The following MYO1H variants were observed in gnomAD, a reference collection of about 807,000 sequenced individuals.
The protein encoded by MYO1H is myosin IH.
Under a neutral mutation model 149.3 loss-of-function variants are expected in MYO1H, and 118 were observed. The observed-to-expected ratio is 0.79, with a 90% confidence interval of 0.68 to 0.92. The LOEUF (loss-of-function observed/expected upper bound fraction) is 0.92. Ranked by LOEUF, MYO1H falls within the 40% of genes least tolerant of loss-of-function variation. MYO1H has a pLI of 0.00. For missense variants in MYO1H, 1,212 were observed against 1,280.7 expected (o/e 0.95, Z 0.82); for synonymous variants, 447 against 465.2 (o/e 0.96, Z 0.50).
At chr12:109,377,007 T>C (rs1217449751) in intron 1 of MYO1H, among the ~76,000 whole-genome samples, 1 of 152,252 alleles carries the variant, frequency 6.6e-6, no homozygotes, top group East Asian at 1.9e-4. Context: ...ATTCACATAA[T>C]GTAAAATTAG....
chr12:109,447,930 A>ATGCCACAGCGCAAAAGCGTGTAGCGAGCC (rs1872555090), exon 32 of MYO1H: 2 of 152,284 alleles, frequency 1.3e-5, no homozygotes, highest in Admixed American at 1.3e-4. Context: ...TGGACAATAA[A>ATGCCACAGCGCAAAAGCGTGTAGCGAGCC]TGCCACAGCG....
At chr12:109,443,441 T>C (rs1872329778) in intron 27 of MYO1H, 73 bp from the exon 28 acceptor site, 1 of 1,554,272 alleles carries the variant, frequency 6.4e-7, no homozygotes. Flanking sequence ...GACATCACTT[T>C]ACCGGTGTCT....
intron 6 of MYO1H, chr12:109,401,530 C>T: frequency 5.4e-6 from 2 of 368,578 alleles, no homozygotes; most frequent in Non-Finnish European, 9.8e-6. Context: ...ACCTGAAGAG[C>T]CCTTTAAAAA....
chr12:109,414,059 G>A (rs1162145266), intron 14 of MYO1H, among the ~76,000 whole-genome samples: 1 of 152,196 alleles, frequency 6.6e-6, no homozygotes, highest in Non-Finnish European at 1.5e-5. Context: ...TGAATGCTCT[G>A]CTTCTTAATC....
intron 1 of MYO1H, among the ~76,000 whole-genome samples, chr12:109,372,801 C>T (rs1252214104): frequency 6.6e-6 from 1 of 151,904 alleles, no homozygotes; most frequent in South Asian, 2.1e-4. Context: ...TGCAATAAAT[C>T]TTGGCAGTAT....
At chr12:109,326,298 C>T in the MYO1H span, among the ~76,000 whole-genome samples, 1 of 152,088 alleles carries the variant, frequency 6.6e-6, no homozygotes, top group Admixed American at 6.5e-5. Flanking sequence ...TACTTCCATG[C>T]TGTCTGTCAT....
chr12:109,409,246 C>CTTTTTTTTTTTTTT (rs66507410), intron 10 of MYO1H, among the ~76,000 whole-genome samples: 72 of 47,842 alleles, frequency 1.5e-3, no homozygotes, highest in Non-Finnish European at 2.0e-3. Context: ...TCTTCTTCTT[C>CTTTTTTTTTTTTTT]TTTTTTTTTT....
intron 6 of MYO1H, among the ~76,000 whole-genome samples, chr12:109,403,471 A>C (rs1870249569): frequency 6.6e-6 from 1 of 152,190 alleles, no homozygotes; most frequent in South Asian, 2.1e-4. Context: ...TCTGGAGTTC[A>C]TGGGGAAAAT....
chr12:109,327,112 TTTTCTTTTTC>T, the MYO1H span, among the ~76,000 whole-genome samples: 49 of 127,136 alleles, frequency 3.9e-4, no homozygotes, highest in African/African-American at 1.3e-3. Context: ...TTAATTTTTC[TTTTCTTTTTC>T]TTTTTCTTTT....
the MYO1H span, among the ~76,000 whole-genome samples, chr12:109,328,490 C>G: frequency 6.6e-6 from 1 of 152,160 alleles, no homozygotes; most frequent in Non-Finnish European, 1.5e-5. Flanking sequence ...GCTGTTACAC[C>G]TGGCTTTAGT....
intron 5 of MYO1H, among the ~76,000 whole-genome samples, chr12:109,400,578 G>A (rs559127159): frequency 6.6e-6 from 1 of 152,152 alleles, no homozygotes; most frequent in South Asian, 2.1e-4. Context: ...TCCTTTATTG[G>A]ATATATTATT....
chr12:109,337,472 A>G, the MYO1H span, among the ~76,000 whole-genome samples: 1 of 152,208 alleles, frequency 6.6e-6, no homozygotes, highest in African/African-American at 2.4e-5. Context: ...ACAGTTCCAC[A>G]TGGCTGGGGA....
chr12:109,378,554 G>T (rs935665846), intron 1 of MYO1H, among the ~76,000 whole-genome samples: 11 of 152,004 alleles, frequency 7.2e-5, no homozygotes, highest in African/African-American at 2.4e-4. Context: ...AAACTCCTGA[G>T]CTCAAGCCCC....
chr12:109,355,730 T>A (rs1868578232), intron 1 of MYO1H, among the ~76,000 whole-genome samples: 1 of 148,570 alleles, frequency 6.7e-6, no homozygotes, highest in Non-Finnish European at 1.5e-5. Context: ...TTGGTTTTTC[T>A]TTTTCTTTTT....
At chr12:109,375,022 T>C (rs972828917) in intron 1 of MYO1H, among the ~76,000 whole-genome samples, 1 of 151,936 alleles carries the variant, frequency 6.6e-6, no homozygotes, top group South Asian at 2.1e-4. Context: ...GCCCAGTGAA[T>C]TTTTGTATTT....
chr12:109,389,255 A>G (rs552375727), intron 2 of MYO1H, among the ~76,000 whole-genome samples: 27 of 152,310 alleles, frequency 1.8e-4, no homozygotes, highest in African/African-American at 6.0e-4. Flanking sequence ...GAAGCGAGCC[A>G]ATACTCTGGG....
At chr12:109,445,105 C>T (rs1872422532) in intron 30 of MYO1H, among the ~76,000 whole-genome samples, 1 of 152,166 alleles carries the variant, frequency 6.6e-6, no homozygotes, top group Non-Finnish European at 1.5e-5. Context: ...TTTCTTTTCC[C>T]TCATCCTGTG....
At chr12:109,412,519 G>C (rs1468955445) in intron 14 of MYO1H, among the ~76,000 whole-genome samples, 3 of 152,022 alleles carry the variant, frequency 2.0e-5, no homozygotes, top group Non-Finnish European at 4.4e-5. Context: ...TTATATTTTG[G>C]ACATGTCTAT....
At chr12:109,409,456 A>G (rs1443395902) in intron 10 of MYO1H, 101 bp from the exon 11 acceptor site, 1 of 981,192 alleles carries the variant, frequency 1.0e-6, no homozygotes. Context: ...CAGAGGACAT[A>G]TGAGCTTTAG....
Sources: gnomAD v4.1 joint callset for allele counts (sites outside exome capture counted in the v4.1 genomes callset) on GRCh38, gnomAD v4.1.1 for gene constraint, MANE v1.5 for transcripts, NCBI Gene and HGNC (gene_info 2026-07-23, HGNC 2026-07-21) for gene names.